Variants in SUMO3 observed in about 807,000 individuals in gnomAD.
SUMO3 encodes small ubiquitin-related modifier 3.
In SUMO3, 2 loss-of-function variants were observed where a neutral mutation model predicts 11.1. That is an observed-to-expected ratio of 0.18 (90% CI 0.07 to 0.57). The LOEUF is 0.57. Ranked by LOEUF, SUMO3 falls within the 20% of genes least tolerant of loss-of-function variation. The pLI, the probability that SUMO3 is intolerant of heterozygous loss-of-function variation, is 0.92. For synonymous variants in SUMO3, 56 were observed against 53.5 expected (o/e 1.05, Z -0.20); for missense variants, 70 against 132.8 (o/e 0.53, Z 2.32).
intron 3 of SUMO3, chr21:44,808,681 G>A: frequency 7.3e-7 from 1 of 1,362,304 alleles, no homozygotes; most frequent in Non-Finnish European, 9.5e-7. Context: ...CGTCACTTGT[G>A]CAAGATGCTT....
At chr21:44,808,386 AC>A in intron 3 of SUMO3, 1 of 671,434 alleles carries the variant, frequency 1.5e-6, no homozygotes, top group South Asian at 2.6e-5. Flanking sequence ...GGTGGTGGGC[AC>A]CTATAGTCCC....
At chr21:44,813,912 T>C (rs768256587) in intron 2 of SUMO3, 64 bp downstream of exon 2, 7 of 1,600,582 alleles carry the variant, frequency 4.4e-6, no homozygotes, top group African/African-American at 1.3e-5. Flanking sequence ...GCTCTGGGGA[T>C]GCCTGGAACG....
At chr21:44,813,647 G>T in intron 2 of SUMO3, 1 of 666,956 alleles carries the variant, frequency 1.5e-6, no homozygotes, top group Non-Finnish European at 2.5e-6. Flanking sequence ...ACCTGAGCAG[G>T]GCCCCCAAGA....
chr21:44,812,517 A>G (rs1015689224), intron 2 of SUMO3, among the ~76,000 whole-genome samples: 3 of 152,236 alleles, frequency 2.0e-5, no homozygotes, highest in Non-Finnish European at 4.4e-5. Context: ...AGTCACGTTC[A>G]GCCATGCAGT....
Position 44,807,178 on chromosome 21 carries a change from G to T in SUMO3, c.223-138C>A. 5 of 1,041,870 alleles carry T rather than the reference G, an allele frequency of 4.8e-6. No individual in the cohort carries two copies. The South Asian group carries it at 7.8e-5, about 16-fold the overall frequency. The allele number at this position is 1,041,870 out of a possible 1,614,324, so 64.5% of individuals were successfully genotyped here. ...CCTGGTCACACCTTGGCTCTTGTCCGTCCCCTCACTGCAGCTCAGCACGCA... is the reference window on the plus strand; with the variant it reads ...CCTGGTCACACCTTGGCTCTTGTCCTTCCCCTCACTGCAGCTCAGCACGCA... On this transcript the variant is annotated intron_variant, in intron 3 of 3. Coordinates refer to ENST00000332859, the MANE Select transcript of SUMO3 (RefSeq NM_006936.3). This position sits in a 1 kb window ranked among gnomAD's most constrained non-coding sequence, Gnocchi z 4.3.
intron 1 of SUMO3, among the ~76,000 whole-genome samples, chr21:44,816,042 A>T (rs1021426797): frequency 6.6e-6 from 1 of 152,092 alleles, no homozygotes; most frequent in Non-Finnish European, 1.5e-5. Context: ...CTGCTCCCAC[A>T]TGGGCTCAGA....
chr21:44,808,612 T>C, intron 3 of SUMO3: 1 of 1,368,660 alleles, frequency 7.3e-7, no homozygotes. Flanking sequence ...TGCATGTGCC[T>C]GAGAGAAACG....
At chr21:44,813,877 C>A (rs753846440) in intron 2 of SUMO3, 99 bp downstream of exon 2, 1 of 1,591,816 alleles carries the variant, frequency 6.3e-7, no homozygotes. Flanking sequence ...GCAGCTGCAT[C>A]TGGGTCCAGC....
At chr21:44,814,966 G>A (rs1275078055) in intron 1 of SUMO3, among the ~76,000 whole-genome samples, 1 of 152,244 alleles carries the variant, frequency 6.6e-6, no homozygotes, top group African/African-American at 2.4e-5. Flanking sequence ...CTCAGTCTGA[G>A]CCGAAAAGTG....
At chr21:44,816,632 T>C (rs551975982) in intron 1 of SUMO3, among the ~76,000 whole-genome samples, 254 of 152,236 alleles carry the variant, frequency 1.7e-3, no homozygotes, top group Non-Finnish European at 2.9e-3. Flanking sequence ...ACCAAGGGCT[T>C]CGGAAAGGTT....
At position 44,816,137 on chromosome 21, in the gene SUMO3, C is replaced by A. The variant is rs2146427551; in HGVS notation, c.21+1811G>T. 1.3e-5 allele frequency among the ~76,000 whole-genome samples: 2 copies of A among 152,246 alleles called. 1 individual carries two copies. The highest frequency in any genetic ancestry group is 4.2e-4 in the South Asian group (2 of 4,818). ...ACAAGTGTTTTCAACGGAACTGGAG[C>A]CTGAGATTGACCACATGGCAGAGCT... On this transcript the variant is annotated intron_variant, in intron 1 of 3. Transcript: ENST00000332859.
chr21:44,813,501 T>C, intron 2 of SUMO3: 1 of 297,890 alleles, frequency 3.4e-6, no homozygotes, highest in East Asian at 6.1e-5. Context: ...TCACGCGCTT[T>C]CTTGCCTTTC....
In SUMO3 at chr21:44,806,663, A is replaced by C; in HGVS notation, c.*288T>G. On this transcript the variant is annotated 3_prime_UTR_variant, in exon 4 of 4. Coordinates refer to ENST00000332859, the MANE Select transcript of SUMO3 (RefSeq NM_006936.3). ...CAGGCTATAATTTTGGGGTTAAAAAAATGTTGTAGGAGGGGGGGAAAACAC... is the reference window on the plus strand; with the variant it reads ...CAGGCTATAATTTTGGGGTTAAAAACATGTTGTAGGAGGGGGGGAAAACAC... 1.6e-6 allele frequency: 1 copy of C among 617,728 alleles called. No individual in the cohort carries two copies. The highest frequency in any genetic ancestry group is 2.4e-6 in the Non-Finnish European group (1 of 411,192). The allele number at this position is 617,728 out of a possible 1,614,324, so 38.3% of individuals were successfully genotyped here.
chr21:44,814,614 C>A (rs1439105826), intron 1 of SUMO3, among the ~76,000 whole-genome samples: 1 of 152,140 alleles, frequency 6.6e-6, no homozygotes, highest in Non-Finnish European at 1.5e-5. Flanking sequence ...TAAAAGAAAC[C>A]AAAAACAGAA....
At chr21:44,814,575 C>T (rs758414861) in intron 1 of SUMO3, among the ~76,000 whole-genome samples, 3 of 152,128 alleles carry the variant, frequency 2.0e-5, no homozygotes, top group Non-Finnish European at 4.4e-5. Context: ...AAACACATAT[C>T]CAAAAGTCAT....
At chr21:44,812,861 C>A (rs952084065) in intron 2 of SUMO3, among the ~76,000 whole-genome samples, 1 of 152,242 alleles carries the variant, frequency 6.6e-6, no homozygotes, top group Non-Finnish European at 1.5e-5. Flanking sequence ...CGAGCCCAGG[C>A]AGTACAAACT....
Position 44,807,312 on chromosome 21 carries a change from A to G in SUMO3, c.223-272T>C, listed in dbSNP as rs140122156. Reference sequence around the variant, plus strand: ...AGCTAAAATGTTAACTGAGAGAAAAACTGAGTCTAGAAGATAAACTGAAAT... The same window carrying G: ...AGCTAAAATGTTAACTGAGAGAAAAGCTGAGTCTAGAAGATAAACTGAAAT... On this transcript the variant is annotated intron_variant, in intron 3 of 3. Transcript: ENST00000332859. This position sits in a 1 kb window ranked among gnomAD's most constrained non-coding sequence, Gnocchi z 4.3. Among the ~76,000 whole-genome samples, 13 of 152,266 alleles carry G rather than the reference A, an allele frequency of 8.5e-5. No individual in the cohort carries two copies. In the East Asian group the frequency reaches 2.5e-3, roughly 29 times the overall value.
Position 44,809,035 on chromosome 21 carries a change from C to T in SUMO3, c.222+12G>A, listed in dbSNP as rs1247200077. The T allele has an allele frequency of 6.2e-7, 1 of 1,613,616 alleles. No homozygotes were observed. Among genetic ancestry groups the T allele is most frequent in the African/African-American group, 1.3e-5 (1 of 74,924 alleles). ...GAAGTCGCCCTGGAACCACGCGAAG[C>T]CAGCTCCGTACCTGTGCTGGAGTGT... On this transcript the variant is annotated intron_variant, in intron 3 of 3. Coordinates refer to ENST00000332859, the MANE Select transcript of SUMO3 (RefSeq NM_006936.3).
intron 2 of SUMO3, among the ~76,000 whole-genome samples, chr21:44,812,242 GAGAC>G (rs1263008929): frequency 6.6e-6 from 1 of 151,560 alleles, no homozygotes; most frequent in Non-Finnish European, 1.5e-5. Context: ...ATGTTTCGTA[GAGAC>G]AGGGTCTCCC....
Sources: gnomAD v4.1 joint callset for allele counts (sites outside exome capture counted in the v4.1 genomes callset) on GRCh38, gnomAD v4.1.1 for gene constraint, Gnocchi (gnomAD v3.1) non-coding constraint, MANE v1.5 for transcripts, NCBI Gene and HGNC (gene_info 2026-07-23, HGNC 2026-07-21) for gene names.